RGS9: variants seen among roughly 807,000 people sequenced by gnomAD.
RGS9 encodes regulator of G-protein signalling 9.
In RGS9, 78 loss-of-function variants were observed where a neutral mutation model predicts 102.0. The ratio of observed to expected loss-of-function variants is 0.76; its 90% CI spans 0.64 to 0.92. RGS9 has a LOEUF of 0.92. Ranked by LOEUF, RGS9 falls within the 40% of genes least tolerant of loss-of-function variation. RGS9 has a pLI of 0.00. For missense variants in RGS9, 833 were observed against 866.1 expected, an observed-to-expected ratio of 0.96 and a Z score of 0.48; for synonymous variants, 353 against 318.6, an observed-to-expected ratio of 1.11 and a Z score of -1.15.
At chr17:65,150,890 T>G (rs1213816292) in intron 1 of RGS9, among the ~76,000 whole-genome samples, 1 of 152,216 alleles carries the variant, frequency 6.6e-6, no homozygotes, top group Non-Finnish European at 1.5e-5. Flanking sequence ...AGTGGACAGC[T>G]TTCCCGTTAG....
chr17:65,215,489 GTTCTTTCGTTCT>G lies in RGS9; in HGVS notation c.1407+4892_1407+4903del, dbSNP rs1253946572. Reference sequence around the variant, plus strand: ...TTCTTTCTTTCTCTATCTTTCTTTCGTTCTTTCGTTCTTTCTTTCTTTCTTTCTTTCTTTCTT... The same window carrying G: ...TTCTTTCTTTCTCTATCTTTCTTTCGTTCTTTCTTTCTTTCTTTCTTTCTT... On this transcript the variant is annotated intron_variant, in intron 17 of 18. Transcript: ENST00000262406. Among the ~76,000 whole-genome samples, 653 of 116,180 alleles carry G rather than the reference GTTCTTTCGTTCT, an allele frequency of 5.6e-3. 7 individuals are homozygous for G. Among genetic ancestry groups the G allele is most frequent in the African/African-American group, 0.015 (480 of 31,706 alleles). 76.2% of individuals were successfully genotyped at this position (116,180 alleles called of 152,430 possible).
chr17:65,202,408 GGTGTGTGT>G (rs746368093), intron 14 of RGS9, among the ~76,000 whole-genome samples: 3 of 132,268 alleles, frequency 2.3e-5, no homozygotes, highest in African/African-American at 6.3e-5. Context: ...TGTCCTGAGG[GGTGTGTGT>G]GTGTGTGTGT....
intron 15 of RGS9, among the ~76,000 whole-genome samples, chr17:65,205,852 G>A (rs1450412960): frequency 6.6e-6 from 1 of 151,704 alleles, no homozygotes; most frequent in Non-Finnish European, 1.5e-5. Context: ...TATTGGTTAT[G>A]TGATATAGAT....
intron 1 of RGS9, among the ~76,000 whole-genome samples, chr17:65,150,417 T>G (rs903188513): frequency 6.6e-6 from 1 of 152,014 alleles, no homozygotes; most frequent in Non-Finnish European, 1.5e-5. Context: ...AGGTCAGGAG[T>G]TCGAGACCAG....
At chr17:65,211,798 T>C (rs1202442908) in intron 17 of RGS9, among the ~76,000 whole-genome samples, 1 of 152,252 alleles carries the variant, frequency 6.6e-6, no homozygotes, top group African/African-American at 2.4e-5. Context: ...ACAGACGTGG[T>C]TCTCTCTCAT....
At chr17:65,142,862 G>A (rs1357414126) in intron 1 of RGS9, among the ~76,000 whole-genome samples, 1 of 152,022 alleles carries the variant, frequency 6.6e-6, no homozygotes, top group Non-Finnish European at 1.5e-5. Context: ...GATTGCAGGT[G>A]TAAACCACAA....
intron 11 of RGS9, among the ~76,000 whole-genome samples, chr17:65,190,560 C>T (rs1480731968): frequency 1.3e-5 from 2 of 152,266 alleles, no homozygotes; most frequent in Non-Finnish European, 2.9e-5. Context: ...TCCAAGACAG[C>T]CTGGGTTCCT....
intron 17 of RGS9, among the ~76,000 whole-genome samples, chr17:65,224,451 C>A (rs1235947809): frequency 6.6e-6 from 1 of 152,164 alleles, no homozygotes; most frequent in Non-Finnish European, 1.5e-5. Flanking sequence ...CTAGACCACC[C>A]CAAAAGGGTG....
At chr17:65,163,191 T>C in intron 7 of RGS9, 102 bp downstream of exon 7, 1 of 580,480 alleles carries the variant, frequency 1.7e-6, no homozygotes, top group South Asian at 2.5e-5. Flanking sequence ...TATTTTTTTT[T>C]TGAGACAGAG....
chr17:65,186,895 C>G (rs938919504), intron 9 of RGS9, among the ~76,000 whole-genome samples: 2 of 152,160 alleles, frequency 1.3e-5, no homozygotes, highest in Non-Finnish European at 2.9e-5. Flanking sequence ...AGGGCATAAA[C>G]CAGTAGATGC....
intron 3 of RGS9, 120 bp from the exon 4 acceptor site, chr17:65,160,113 T>G: frequency 1.2e-5 from 10 of 807,626 alleles, no homozygotes; most frequent in Admixed American, 1.7e-5. Flanking sequence ...TCACTGCTCA[T>G]GAGATGCAGT....
chr17:65,189,175 A>G (rs1912256393), intron 9 of RGS9, 111 bp from the exon 10 acceptor site: 2 of 870,888 alleles, frequency 2.3e-6, no homozygotes, highest in Non-Finnish European at 1.9e-6. Flanking sequence ...TTTAAGAAAG[A>G]AAAAAATGGG....
At chr17:65,160,672 G>T (rs1294131179) in intron 5 of RGS9, 85 bp downstream of exon 5, 5 of 1,499,958 alleles carry the variant, frequency 3.3e-6, no homozygotes. Context: ...CATTTGTCTT[G>T]CTGTCATCAT....
intron 3 of RGS9, chr17:65,158,553 A>G: frequency 1.6e-6 from 1 of 643,722 alleles, no homozygotes; most frequent in African/African-American, 1.8e-5. Flanking sequence ...TATTTAGAGC[A>G]TAAATAACAG....
At chr17:65,176,884 GTCCA>G (rs113366621) in intron 8 of RGS9, among the ~76,000 whole-genome samples, 6,131 of 147,460 alleles carry the variant, frequency 0.042, 181 homozygotes, top group African/African-American at 0.078. Context: ...CCATTCATCT[GTCCA>G]TCCATCCATC....
intron 1 of RGS9, among the ~76,000 whole-genome samples, chr17:65,146,404 C>A (rs1445550394): frequency 6.7e-6 from 1 of 150,352 alleles, no homozygotes; most frequent in Non-Finnish European, 1.5e-5. Context: ...CCTGGCAAAC[C>A]TGGTGAAACC....
intron 7 of RGS9, among the ~76,000 whole-genome samples, chr17:65,164,534 T>A (rs1911102562): frequency 6.6e-6 from 1 of 152,234 alleles, no homozygotes; most frequent in South Asian, 2.1e-4. Flanking sequence ...CTAGACTTGC[T>A]GGTGCTCAGC....
intron 17 of RGS9, among the ~76,000 whole-genome samples, chr17:65,217,762 C>T (rs2144122625): frequency 6.6e-6 from 1 of 151,892 alleles, no homozygotes; most frequent in African/African-American, 2.4e-5. Flanking sequence ...TAAGAGAAAG[C>T]CTGGAAAAAA....
At chr17:65,206,068 T>TTATATGATAC (rs1913053703) in intron 15 of RGS9, among the ~76,000 whole-genome samples, 1 of 152,142 alleles carries the variant, frequency 6.6e-6, no homozygotes, top group Non-Finnish European at 1.5e-5. Context: ...TTATGTGATA[T>TTATATGATAC]AGGTTATATG....
Sources: gnomAD v4.1 joint callset for allele counts (sites outside exome capture counted in the v4.1 genomes callset) on GRCh38, gnomAD v4.1.1 for gene constraint, MANE v1.5 for transcripts, NCBI Gene and HGNC (gene_info 2026-07-23, HGNC 2026-07-21) for gene names.